ADCY2: variants seen among roughly 807,000 people sequenced by gnomAD.
The protein encoded by ADCY2 is adenylate cyclase type 2.
Under a neutral mutation model 125.2 loss-of-function variants are expected in ADCY2, and 31 were observed. The observed-to-expected ratio is 0.25, with a 90% CI of 0.19 to 0.33. The LOEUF (loss-of-function observed/expected upper bound fraction) is 0.33. ADCY2 is among the 10% of genes least tolerant of loss of function. The pLI, the probability that ADCY2 is intolerant of heterozygous loss-of-function variation, is 1.00. For missense variants in ADCY2, 904 were observed against 1,418.2 expected, an observed-to-expected ratio of 0.64 and a Z score of 5.82; for synonymous variants, 512 against 548.4, an observed-to-expected ratio of 0.93 and a Z score of 0.93.
At chr5:7,692,865 G>A (rs1740749626) in intron 5 of ADCY2, among the ~76,000 whole-genome samples, 1 of 152,072 alleles carries the variant, frequency 6.6e-6, no homozygotes, top group Non-Finnish European at 1.5e-5. Context: ...TTTCTCTCCA[G>A]TCGTCTTCTG....
At chr5:7,703,321 T>A (rs1168011928) in intron 7 of ADCY2, among the ~76,000 whole-genome samples, 2 of 151,908 alleles carry the variant, frequency 1.3e-5, no homozygotes, top group African/African-American at 4.8e-5. Context: ...CTGAATGGTA[T>A]TGCCTAGGTT....
At chr5:7,630,875 C>T (rs1220769272) in intron 4 of ADCY2, among the ~76,000 whole-genome samples, 1 of 151,442 alleles carries the variant, frequency 6.6e-6, no homozygotes, top group Non-Finnish European at 1.5e-5. Flanking sequence ...CAACCTCTGC[C>T]CCCTGGGGCT....
intron 23 of ADCY2, among the ~76,000 whole-genome samples, chr5:7,818,712 C>T (rs932498586): frequency 8.5e-5 from 13 of 152,124 alleles, no homozygotes; most frequent in African/African-American, 2.9e-4. Context: ...AAACCCCTAT[C>T]GGGGGCTCTA....
chr5:7,589,714 A>G (rs575040800), intron 3 of ADCY2, among the ~76,000 whole-genome samples: 2 of 152,248 alleles, frequency 1.3e-5, no homozygotes, highest in Non-Finnish European at 2.9e-5. Flanking sequence ...AATTTCAAGC[A>G]TCTGTGAAGG....
chr5:7,447,700 G>T (rs1741322000), intron 2 of ADCY2, among the ~76,000 whole-genome samples: 1 of 152,230 alleles, frequency 6.6e-6, no homozygotes, highest in Middle Eastern at 3.2e-3. Flanking sequence ...AGCAGGAAGA[G>T]ATCAGCACAG....
chr5:7,606,751 C>T (rs533384247), intron 3 of ADCY2, among the ~76,000 whole-genome samples: 2 of 152,124 alleles, frequency 1.3e-5, no homozygotes, highest in South Asian at 2.1e-4. Context: ...CGTTTATCAC[C>T]GAAGCTATGG....
At chr5:7,410,844 T>A (rs575367945) in intron 1 of ADCY2, among the ~76,000 whole-genome samples, 1 of 152,306 alleles carries the variant, frequency 6.6e-6, no homozygotes, top group South Asian at 2.1e-4. Context: ...CTGTCTGTTT[T>A]ATATTCTAAT....
intron 17 of ADCY2, among the ~76,000 whole-genome samples, chr5:7,769,644 TAGCTATAA>T (rs1743499555): frequency 6.6e-6 from 1 of 152,146 alleles, no homozygotes; most frequent in Non-Finnish European, 1.5e-5. Flanking sequence ...ATACCCAAAT[TAGCTATAA>T]AGATCTTTGC....
At chr5:7,752,847 A>G (rs73045495) in intron 15 of ADCY2, among the ~76,000 whole-genome samples, 7,233 of 145,088 alleles carry the variant, frequency 0.05, 447 homozygotes, top group African/African-American at 0.15. Flanking sequence ...TTCCTACCAC[A>G]CCCCACTGCT....
intron 7 of ADCY2, among the ~76,000 whole-genome samples, chr5:7,705,076 T>C (rs1741224802): frequency 6.6e-6 from 1 of 152,172 alleles, no homozygotes; most frequent in Non-Finnish European, 1.5e-5. Flanking sequence ...CTGGCCTATT[T>C]TGGTAAACAG....
chr5:7,748,148 T>C (rs10057901), intron 15 of ADCY2, among the ~76,000 whole-genome samples: 54,199 of 152,060 alleles, frequency 0.36, 10,644 homozygotes, highest in Non-Finnish European at 0.44. Context: ...CATCTCACCA[T>C]TGCCAGCTAT....
At chr5:7,617,408 C>T (rs1737803559) in intron 3 of ADCY2, among the ~76,000 whole-genome samples, 1 of 152,148 alleles carries the variant, frequency 6.6e-6, no homozygotes, top group African/African-American at 2.4e-5. Flanking sequence ...TGGACTGTAG[C>T]CTTCAGAAAT....
chr5:7,800,944 A>G (rs1224143148), intron 20 of ADCY2: 2 of 152,248 alleles, frequency 1.3e-5, no homozygotes, highest in African/African-American at 4.8e-5. Context: ...GCACAATCAT[A>G]TTGAGCACAA....
At position 7,742,783 on chromosome 5, in the gene ADCY2, C is replaced by T. The variant is rs572252217; in HGVS notation, c.1872-885C>T. On this transcript the variant is annotated intron_variant, in intron 14 of 24. Transcript: ENST00000338316. ...TCCCATACGTTGTTTCTGGATGTTA[C>T]TCCTCTTCTTAGCCAAATCCTCTGT... Among the ~76,000 whole-genome samples, 9 of 152,276 alleles carry T rather than the reference C, an allele frequency of 5.9e-5. No homozygotes were observed. The East Asian group carries it at 1.6e-3, about 26-fold the overall frequency.
At chr5:7,644,639 C>A (rs1738835259) in intron 4 of ADCY2, among the ~76,000 whole-genome samples, 1 of 152,140 alleles carries the variant, frequency 6.6e-6, no homozygotes, top group Non-Finnish European at 1.5e-5. Flanking sequence ...TGCCCAAATG[C>A]CATTCTTCGG....
chr5:7,781,517 G>A (rs960575293), intron 18 of ADCY2, among the ~76,000 whole-genome samples: 5 of 152,202 alleles, frequency 3.3e-5, no homozygotes, highest in Non-Finnish European at 7.3e-5. Flanking sequence ...TCATGTGGTG[G>A]CAAGCTAAGA....
intron 4 of ADCY2, among the ~76,000 whole-genome samples, chr5:7,633,207 G>T (rs1226930654): frequency 6.6e-6 from 1 of 152,044 alleles, no homozygotes; most frequent in Non-Finnish European, 1.5e-5. Context: ...GAGGCGGGCG[G>T]ATCACCTGAG....
chr5:7,783,913 G>A (rs949466888), intron 18 of ADCY2, among the ~76,000 whole-genome samples: 1 of 152,162 alleles, frequency 6.6e-6, no homozygotes, highest in Non-Finnish European at 1.5e-5. Context: ...TTGGATGACT[G>A]CTTGAAAGTT....
chr5:7,461,635 G>T (rs555849405), intron 2 of ADCY2, among the ~76,000 whole-genome samples: 1 of 152,288 alleles, frequency 6.6e-6, no homozygotes, highest in South Asian at 2.1e-4. Context: ...ATTTCATTGA[G>T]CCACTCTTTT....
Sources: allele counts gnomAD v4.1 joint callset (sites outside exome capture counted in the v4.1 genomes callset), GRCh38; gene constraint gnomAD v4.1.1; transcripts MANE v1.5; gene names NCBI Gene and HGNC (gene_info 2026-07-23, HGNC 2026-07-21).